The following SLC38A6 variants were observed in gnomAD, a reference collection of about 807,000 sequenced individuals.
The protein encoded by SLC38A6 is solute carrier family 38 member 6.
SLC38A6 carries 73 observed loss-of-function variants against 65.0 expected under a neutral mutation model. The ratio of observed to expected loss-of-function variants is 1.12; its 90% CI spans 0.93 to 1.37. The LOEUF (loss-of-function observed/expected upper bound fraction) is 1.37, where lower values mean the gene tolerates loss of function less well. Ranked by LOEUF, SLC38A6 falls within the 40% of genes most tolerant of loss-of-function variation. The pLI, the probability that SLC38A6 is intolerant of heterozygous loss-of-function variation, is 0.00. For synonymous variants in SLC38A6, 183 were observed against 178.8 expected (o/e 1.02, Z -0.19); for missense variants, 561 against 531.1 (o/e 1.06, Z -0.55).
chr14:61,029,323 A>C (rs912639908), intron 5 of SLC38A6, among the ~76,000 whole-genome samples: 4 of 151,836 alleles, frequency 2.6e-5, no homozygotes, highest in Non-Finnish European at 5.9e-5. Flanking sequence ...CGCCTGGCTA[A>C]TTTTTGTATT....
At chr14:61,007,009 T>G (rs184681241) in intron 3 of SLC38A6, among the ~76,000 whole-genome samples, 45 of 152,254 alleles carry the variant, frequency 3.0e-4, no homozygotes, top group Non-Finnish European at 5.9e-4. Context: ...AATGATGAGT[T>G]CATGTCCTTT....
chr14:61,080,423 A>G (rs984991700), intron 16 of SLC38A6, among the ~76,000 whole-genome samples: 3 of 152,138 alleles, frequency 2.0e-5, no homozygotes, highest in Non-Finnish European at 4.4e-5. Context: ...GAGAATTTGG[A>G]GCTGACTCTC....
chr14:61,022,809 A>G (rs562910330), intron 5 of SLC38A6, among the ~76,000 whole-genome samples: 3 of 152,168 alleles, frequency 2.0e-5, no homozygotes, highest in South Asian at 4.1e-4. Context: ...ACTCTTCAAT[A>G]TAGATATTAT....
At chr14:61,081,641 G>A (rs1566742795) in intron 16 of SLC38A6, among the ~76,000 whole-genome samples, 3 of 151,970 alleles carry the variant, frequency 2.0e-5, no homozygotes, top group Non-Finnish European at 2.9e-5. Flanking sequence ...GCCAATACCC[G>A]CCACTGCACT....
intron 8 of SLC38A6, among the ~76,000 whole-genome samples, chr14:61,041,278 T>C (rs1489603931): frequency 1.3e-5 from 2 of 152,190 alleles, no homozygotes; most frequent in Non-Finnish European, 2.9e-5. Flanking sequence ...ACTTCTGCTT[T>C]GTGGGACATC....
chr14:61,055,098 GTCTTTT>G (rs2042662380), downstream of SLC38A6, among the ~76,000 whole-genome samples: 2 of 71,788 alleles, frequency 2.8e-5, no homozygotes, highest in South Asian at 4.6e-4. Context: ...TTTTTTTTAA[GTCTTTT>G]TCTTTTTTTT....
chr14:61,075,345 A>G (rs1223385239), intron 15 of SLC38A6, among the ~76,000 whole-genome samples: 1 of 152,198 alleles, frequency 6.6e-6, no homozygotes, highest in African/African-American at 2.4e-5. Flanking sequence ...TATGCTATCC[A>G]GGTGATCCAG....
exon 17 of SLC38A6, chr14:61,083,673 G>A (rs1359204878): frequency 1.9e-6 from 3 of 1,549,876 alleles, no homozygotes; most frequent in Non-Finnish European, 2.6e-6. Context: ...TCCACACCTT[G>A]ATCTTGCACT....
Position 61,052,510 on chromosome 14 carries a change from A to C in SLC38A6, c.*81A>C. 7 of 1,463,870 alleles carry C rather than the reference A, an allele frequency of 4.8e-6. No homozygotes were observed. The highest frequency in any genetic ancestry group is 6.3e-6 in the Non-Finnish European group (7 of 1,114,760). The allele number at this position is 1,463,870 out of a possible 1,614,324, so 90.7% of individuals were successfully genotyped here. ...ATTATTCCGGAAGACACCCTGGATGAAAAATAACATTTTAATAAAAATTAT... is the reference window on the plus strand; with the variant it reads ...ATTATTCCGGAAGACACCCTGGATGCAAAATAACATTTTAATAAAAATTAT... On this transcript the variant is annotated 3_prime_UTR_variant, in exon 16 of 16. Coordinates refer to ENST00000267488, the MANE Select transcript of SLC38A6 (RefSeq NM_153811.3).
intron 5 of SLC38A6, among the ~76,000 whole-genome samples, chr14:61,025,178 C>T (rs1381571593): frequency 6.6e-6 from 1 of 152,070 alleles, no homozygotes; most frequent in Non-Finnish European, 1.5e-5. Flanking sequence ...ATTTCTAAAT[C>T]TCAGAAAGGT....
chr14:61,043,648 G>A (rs2041948647), intron 10 of SLC38A6, 145 bp downstream of exon 10: 4 of 323,168 alleles, frequency 1.2e-5, no homozygotes, highest in Non-Finnish European at 2.2e-5. Context: ...CCTACCAGAA[G>A]ACTACTATTA....
At chr14:61,065,838 G>A (rs190250537) in intron 15 of SLC38A6, among the ~76,000 whole-genome samples, 50 of 152,318 alleles carry the variant, frequency 3.3e-4, no homozygotes, top group Admixed American at 3.1e-3. Flanking sequence ...CATGTTTGCA[G>A]GCTCAGGTTA....
chr14:61,037,082 C>T lies in SLC38A6; in HGVS notation c.506C>T (p.Thr169Ile). ...AGATATTGGTATCTTGATGGACAAA[C>T]ACTACTAATAATCATATGTGTTGGC... ...YSRYWYLDGQ[T>I]LLIIICVGIV... Residue 169 changes from threonine to isoleucine, a missense_variant, in exon 7 of 16, where the codon ACA (threonine) becomes ATA (isoleucine). Physicochemically the swap from Thr to Ile is moderately conservative, Grantham distance 89. Transcript: ENST00000267488. 6.2e-7 allele frequency: 1 copy of T among 1,610,584 alleles called. No homozygotes were observed. The highest frequency in any genetic ancestry group is 2.2e-5 in the East Asian group (1 of 44,766).
At chr14:60,992,070 A>G (rs12879223) in intron 3 of SLC38A6, among the ~76,000 whole-genome samples, 1 of 152,212 alleles carries the variant, frequency 6.6e-6, no homozygotes, top group Non-Finnish European at 1.5e-5. Flanking sequence ...AAGGGAAGAG[A>G]CAACCAGCAG....
chr14:61,076,246 C>G (rs2043413708), intron 15 of SLC38A6, among the ~76,000 whole-genome samples: 1 of 152,118 alleles, frequency 6.6e-6, no homozygotes, highest in South Asian at 2.1e-4. Flanking sequence ...AGAGTAGAAA[C>G]AAATTTTATA....
chr14:61,055,162 A>T (rs1594763185), downstream of SLC38A6, among the ~76,000 whole-genome samples: 2 of 73,912 alleles, frequency 2.7e-5, no homozygotes, highest in Admixed American at 1.8e-4. Context: ...ACATGTGCAC[A>T]TTGTGCAGGT....
chr14:61,036,628 A>G (rs1014074605), intron 6 of SLC38A6, among the ~76,000 whole-genome samples: 2 of 152,112 alleles, frequency 1.3e-5, no homozygotes, highest in Non-Finnish European at 2.9e-5. Flanking sequence ...CAAAAAGTGT[A>G]TGTTCTTATT....
rs184634686 is a variant in SLC38A6 at position 61,030,318 on chromosome 14, T to C, written c.404-127T>C. 764 of 588,874 alleles carry C rather than the reference T, an allele frequency of 1.3e-3. 3 individuals carry two copies. The highest frequency in any genetic ancestry group is 0.01 in the Middle Eastern group (22 of 2,158). The allele number at this position is 588,874 out of a possible 1,614,324, so 36.5% of individuals were successfully genotyped here. On this transcript the variant is annotated intron_variant, in intron 5 of 15. Transcript: ENST00000267488. ...GTGTGTGTATGTATCTTTGGTATAG[T>C]GTGTTATATGTTAATCTTCCATATG...
chr14:61,001,677 G>A (rs1007144371), intron 3 of SLC38A6, among the ~76,000 whole-genome samples: 1 of 151,976 alleles, frequency 6.6e-6, no homozygotes, highest in Non-Finnish European at 1.5e-5. Context: ...AATAGCTTTT[G>A]GTTATCTATT....
Sources: gnomAD v4.1 joint callset for allele counts (sites outside exome capture counted in the v4.1 genomes callset) on GRCh38, gnomAD v4.1.1 for gene constraint, MANE v1.5 for transcripts, NCBI Gene and HGNC (gene_info 2026-07-23, HGNC 2026-07-21) for gene names.